TP63: variants seen among roughly 807,000 people sequenced by gnomAD.
TP63 encodes tumor protein 63.
Under a neutral mutation model 82.8 loss-of-function variants are expected in TP63, and 17 were observed. That is an observed-to-expected ratio of 0.21 (90% CI 0.14 to 0.31). TP63 has a LOEUF of 0.31. Among genes scored for constraint, TP63 ranks in the 10% least tolerant of loss-of-function variants. The pLI, the probability that TP63 is intolerant of heterozygous loss-of-function variation, is 1.00. For synonymous variants in TP63, 330 were observed against 321.7 expected (o/e 1.03, Z -0.28); for missense variants, 648 against 895.3 (o/e 0.72, Z 3.52).
chr3:189,669,287 A>G (rs2108668473), intron 1 of TP63, among the ~76,000 whole-genome samples: 1 of 152,060 alleles, frequency 6.6e-6, no homozygotes, highest in Non-Finnish European at 1.5e-5. Context: ...GTTTTGAAAA[A>G]CAATAGCAGA....
rs77477585 is a variant in TP63, at chr3:189,789,472, T to G, written c.325-18800T>G. 0.059 allele frequency among the ~76,000 whole-genome samples: 8,990 copies of G among 151,836 alleles called. 319 individuals are homozygous for G. Among genetic ancestry groups the G allele is most frequent in the Admixed American group, 0.084 (1,275 of 15,226 alleles). On this transcript the variant is annotated intron_variant, in intron 3 of 13. Coordinates refer to ENST00000264731, the MANE Select transcript of TP63 (RefSeq NM_003722.5). ...CTGTCTCCTGGGTTTGTTTTTTTTT[T>G]CTTTCTTTCTTTTTCTTTTAAAGAT...
At chr3:189,798,695 G>T (rs1015926460) in intron 3 of TP63, among the ~76,000 whole-genome samples, 1 of 152,004 alleles carries the variant, frequency 6.6e-6, no homozygotes, top group Admixed American at 6.6e-5. Flanking sequence ...TCTCTATAGT[G>T]TTATCACTAA....
At chr3:189,624,841 C>T in the TP63 span, among the ~76,000 whole-genome samples, 1 of 152,110 alleles carries the variant, frequency 6.6e-6, no homozygotes, top group Non-Finnish European at 1.5e-5. Flanking sequence ...ATTGTTGAAC[C>T]AACACACATG....
At chr3:189,875,615 T>TATATACAC (rs1553859725) in intron 10 of TP63, among the ~76,000 whole-genome samples, 25 of 110,386 alleles carry the variant, frequency 2.3e-4, no homozygotes, top group African/African-American at 9.4e-4. Context: ...TATATATATA[T>TATATACAC]ATATATATAT....
At chr3:189,725,416 T>C (rs996117755) in intron 1 of TP63, among the ~76,000 whole-genome samples, 1 of 152,122 alleles carries the variant, frequency 6.6e-6, no homozygotes, top group African/African-American at 2.4e-5. Flanking sequence ...TAAAAGGAAA[T>C]TGTTCCTGAA....
At chr3:189,864,540 C>T (rs1717452869) in intron 5 of TP63, 122 bp downstream of exon 5, 5 of 443,292 alleles carry the variant, frequency 1.1e-5, no homozygotes, top group Non-Finnish European at 1.7e-5. Context: ...GATCAGTCTG[C>T]CTTTTTTTTT....
At chr3:189,666,103 T>C (rs1236848757) in intron 1 of TP63, among the ~76,000 whole-genome samples, 2 of 152,022 alleles carry the variant, frequency 1.3e-5, no homozygotes, top group African/African-American at 4.8e-5. Context: ...ACTTAGGCCT[T>C]TCTTAAGTAG....
At chr3:189,743,333 C>T (rs1721137370) in intron 3 of TP63, among the ~76,000 whole-genome samples, 1 of 152,050 alleles carries the variant, frequency 6.6e-6, no homozygotes, top group African/African-American at 2.4e-5. Context: ...TGTTGAGAAA[C>T]AGGCAATCTT....
At chr3:189,629,146 G>A (rs1019184077), upstream of TP63, among the ~76,000 whole-genome samples, 2 of 152,066 alleles carry the variant, frequency 1.3e-5, no homozygotes, top group Admixed American at 6.6e-5. Context: ...GGGAAGCCGG[G>A]TCGGGAGGAT....
At position 189,759,271 on chromosome 3, in the gene TP63, G is replaced by A. The variant is rs1440669322; in HGVS notation, c.324+20497G>A. ...AAACTGGAGGGAAAGTGAGAGTGGT[G>A]ATCTTTCTATAAGCCCTCCAGGTGA... On this transcript the variant is annotated intron_variant, in intron 3 of 13. Coordinates refer to ENST00000264731, the MANE Select transcript of TP63 (RefSeq NM_003722.5). 3.3e-5 allele frequency among the ~76,000 whole-genome samples: 5 copies of A among 152,228 alleles called. No individual in the cohort carries two copies. In the East Asian group the frequency reaches 7.7e-4, roughly 24 times the overall value.
the TP63 span, among the ~76,000 whole-genome samples, chr3:189,603,673 AAAAG>A: frequency 3.5e-3 from 184 of 52,886 alleles, 19 homozygotes; most frequent in East Asian, 0.018. Flanking sequence ...AAAAAAAAAA[AAAAG>A]AAGCACAGTC....
chr3:189,749,547 T>G (rs1485327261), intron 3 of TP63, among the ~76,000 whole-genome samples: 1 of 152,140 alleles, frequency 6.6e-6, no homozygotes, highest in Admixed American at 6.6e-5. Context: ...CAGATGTTAT[T>G]GAGGATGCAG....
At chr3:189,772,893 A>C (rs1723481124) in intron 3 of TP63, among the ~76,000 whole-genome samples, 1 of 152,192 alleles carries the variant, frequency 6.6e-6, no homozygotes, top group Non-Finnish European at 1.5e-5. Flanking sequence ...TAAGTAGATA[A>C]TACTACTACT....
the TP63 span, among the ~76,000 whole-genome samples, chr3:189,618,221 T>C: frequency 3.9e-5 from 6 of 152,196 alleles, no homozygotes; most frequent in Admixed American, 3.3e-4. Context: ...CCACACTATA[T>C]ATACTTACAG....
chr3:189,848,381 CTT>C (rs11333114), intron 4 of TP63, among the ~76,000 whole-genome samples: 15 of 143,984 alleles, frequency 1.0e-4, no homozygotes, highest in South Asian at 2.2e-4. Context: ...CCATACCTGG[CTT>C]TTTTTTTTTT....
At chr3:189,621,522 T>G in the TP63 span, among the ~76,000 whole-genome samples, 51,042 of 151,494 alleles carry the variant, frequency 0.34, 9,059 homozygotes, top group East Asian at 0.4. Flanking sequence ...ATTTTATATA[T>G]AGAGAGAAAT....
In TP63 at chr3:189,866,732, G is replaced by T. The variant is rs1218025384; in HGVS notation, c.817G>T (p.Ala273Ser). ...GATTCGAGTAGAGGGGAACAGCCAT[G>T]CCCAGTATGTAGAAGATCCCATCAC... ...HLIRVEGNSH[A>S]QYVEDPITGR... The change falls in exon 6 of 14, where the codon GCC becomes TCC. Residue 273 changes from alanine to serine, a missense_variant. Around this residue, in one of 5 missense-constraint regions of TP63, gnomAD observed 30 missense variants for 26.4 expected, o/e 1.14. Coordinates refer to ENST00000264731, the MANE Select transcript of TP63 (RefSeq NM_003722.5). 1.2e-6 allele frequency: 2 copies of T among 1,613,912 alleles called. No individual in the cohort carries two copies. Among genetic ancestry groups the T allele is most frequent in the Non-Finnish European group, 1.7e-6 (2 of 1,180,000 alleles).
intron 3 of TP63, among the ~76,000 whole-genome samples, chr3:189,760,584 C>T (rs953812592): frequency 6.6e-6 from 1 of 152,182 alleles, no homozygotes; most frequent in African/African-American, 2.4e-5. Context: ...TAGCTTCCCT[C>T]CTGGCTGCCT....
At chr3:189,800,573 C>T (rs933312543) in intron 3 of TP63, among the ~76,000 whole-genome samples, 2 of 151,838 alleles carry the variant, frequency 1.3e-5, no homozygotes, top group African/African-American at 4.8e-5. Flanking sequence ...TGAGTGATTC[C>T]TATTTACATG....
Sources: gnomAD v4.1 joint callset for allele counts (sites outside exome capture counted in the v4.1 genomes callset) on GRCh38, gnomAD v4.1.1 for gene constraint, gnomAD v4.1.1 regional missense constraint, MANE v1.5 for transcripts, NCBI Gene and HGNC (gene_info 2026-07-23, HGNC 2026-07-21) for gene names.